PPP2R3C: variants seen among roughly 807,000 people sequenced by gnomAD.
The protein encoded by PPP2R3C is serine/threonine-protein phosphatase 2A regulatory subunit B'' subunit gamma.
PPP2R3C carries 47 observed loss-of-function variants against 63.7 expected under a neutral mutation model. The ratio of observed to expected loss-of-function variants is 0.74; its 90% CI spans 0.58 to 0.94. PPP2R3C has a LOEUF of 0.94. PPP2R3C is among the 40% of genes least tolerant of loss of function. PPP2R3C has a pLI of 0.00. For synonymous variants in PPP2R3C, 180 were observed against 177.4 expected (o/e 1.01, Z -0.12); for missense variants, 421 against 518.4 (o/e 0.81, Z 1.82).
intron 2 of PPP2R3C, among the ~76,000 whole-genome samples, chr14:35,113,795 A>G (rs1210381591): frequency 6.6e-6 from 1 of 152,258 alleles, no homozygotes; most frequent in South Asian, 2.1e-4. Context: ...GCTGCTCAAG[A>G]TAACCATAGC....
chr14:35,122,124 T>TG, upstream of PPP2R3C: 1 of 630,608 alleles, frequency 1.6e-6, no homozygotes, highest in Non-Finnish European at 2.8e-6. Context: ...AAACAATTAC[T>TG]GTCACTGCCG....
At position 35,109,913 on chromosome 14, in the gene PPP2R3C, C is replaced by A. The variant is rs760770452; in HGVS notation, c.310G>T (p.Asp104Tyr). The change falls in exon 4 of 13, where the codon GAC (aspartate) becomes TAC (tyrosine). Residue 104 changes from aspartate to tyrosine, a missense_variant. Asp to Tyr is a radical substitution (Grantham distance 160). This residue lies in a region of PPP2R3C where 143 missense variants were observed against 151.2 expected (regional missense o/e 0.95). Coordinates refer to ENST00000261475, the MANE Select transcript of PPP2R3C (RefSeq NM_017917.4). ...ATCATAGGTGGTGTCTGGTGTTTGT[C>A]CAGCAAAAACCATAAGTTCTTAAGA... ...EELQNLWFLL[D>Y]KHQTPPMIGE... 1.2e-6 allele frequency: 2 copies of A among 1,600,172 alleles called. No individual in the cohort carries two copies. The highest frequency in any genetic ancestry group is 1.7e-5 in the Admixed American group (1 of 58,362).
chr14:35,094,986 G>A, intron 10 of PPP2R3C, 62 bp downstream of exon 10: 3 of 1,506,296 alleles, frequency 2.0e-6, no homozygotes, highest in South Asian at 1.2e-5. Context: ...ATCAAGAAAA[G>A]GGTTTGTGGA....
chr14:35,089,914 C>T (rs2045742461), intron 11 of PPP2R3C, among the ~76,000 whole-genome samples: 1 of 152,094 alleles, frequency 6.6e-6, no homozygotes, highest in African/African-American at 2.4e-5. Context: ...ATCCGCCCAC[C>T]CTGGCCTCCC....
chr14:35,108,978 C>G lies in PPP2R3C; in HGVS notation c.405-742G>C, dbSNP rs1013677981. ...TTTTTTTATTTTGCAGAGATGGGCA[C>G]GTGAGCCACAGTGCCTGGCCTTGCA... On this transcript the variant is annotated intron_variant, in intron 4 of 12. Transcript: ENST00000261475. Among the ~76,000 whole-genome samples, 5 of 151,718 alleles carry G rather than the reference C, an allele frequency of 3.3e-5. No individual in the cohort carries two copies. In the East Asian group the frequency reaches 9.7e-4, roughly 29 times the overall value.
In PPP2R3C at chr14:35,096,758, A is replaced by G. The variant is rs762323469; in HGVS notation, c.713T>C (p.Ile238Thr). Reference protein sequence around the residue: ...FFLDPLRTGKIKIQDILACSF... With the variant: ...FFLDPLRTGKTKIQDILACSF... ...GCATGCTAAAATATCTTGAATTTTT[A>G]TCTTTCCTTTAAGAACATAAAGAAA... Residue 238 changes from isoleucine (I) to threonine (T), a missense_variant, in exon 8 of 13, where the codon ATA becomes ACA. Around this residue, in one of 3 missense-constraint regions of PPP2R3C, gnomAD observed 231 missense variants for 264.8 expected, o/e 0.87. Coordinates refer to ENST00000261475, the MANE Select transcript of PPP2R3C (RefSeq NM_017917.4). 7 of 1,584,954 alleles carry G rather than the reference A, an allele frequency of 4.4e-6. No homozygotes were observed. The South Asian group carries it at 7.0e-5, about 16-fold the overall frequency.
chr14:35,103,125 T>G (rs2046250613), intron 6 of PPP2R3C, among the ~76,000 whole-genome samples: 1 of 152,166 alleles, frequency 6.6e-6, no homozygotes, highest in Non-Finnish European at 1.5e-5. Flanking sequence ...GTAAATCATA[T>G]CCTGACAGAC....
At chr14:35,103,026 G>C (rs2046247954) in intron 6 of PPP2R3C, among the ~76,000 whole-genome samples, 1 of 152,148 alleles carries the variant, frequency 6.6e-6, no homozygotes, top group South Asian at 2.1e-4. Flanking sequence ...TCCCAAAGTT[G>C]CTGGGATTAC....
intron 5 of PPP2R3C, 161 bp downstream of exon 5, chr14:35,107,978 A>G (rs1263190640): frequency 8.8e-7 from 1 of 1,135,704 alleles, no homozygotes; most frequent in African/African-American, 1.6e-5. Flanking sequence ...TTGTTTTTTT[A>G]TGCTAACCCA....
At chr14:35,093,077 G>GTGGC (rs1425635442) in intron 10 of PPP2R3C, among the ~76,000 whole-genome samples, 2 of 152,132 alleles carry the variant, frequency 1.3e-5, no homozygotes, top group South Asian at 4.1e-4. Flanking sequence ...GCCGGGCATG[G>GTGGC]TGGCGGGCGC....
At chr14:35,090,022 T>G (rs912743828) in intron 11 of PPP2R3C, among the ~76,000 whole-genome samples, 1 of 152,074 alleles carries the variant, frequency 6.6e-6, no homozygotes, top group Admixed American at 6.6e-5. Flanking sequence ...AAATCAAGTT[T>G]TTAGTTTTCT....
At chr14:35,117,127 C>G (rs754982095) in intron 1 of PPP2R3C, 1 of 455,872 alleles carries the variant, frequency 2.2e-6, no homozygotes, top group Admixed American at 2.3e-5. Flanking sequence ...CAAGACAGCC[C>G]CAGCCCCTGA....
intron 1 of PPP2R3C, 102 bp from the exon 2 acceptor site, chr14:35,116,839 A>G: frequency 1.0e-6 from 1 of 953,034 alleles, no homozygotes. Context: ...AAATAGTTGC[A>G]GTGCCAAAAA....
At chr14:35,102,926 A>AT (rs1454158797) in intron 6 of PPP2R3C, among the ~76,000 whole-genome samples, 1 of 151,852 alleles carries the variant, frequency 6.6e-6, no homozygotes, top group Non-Finnish European at 1.5e-5. Flanking sequence ...TACCCAGCTA[A>AT]TTTTTGTATT....
At chr14:35,111,296 T>C (rs913143401) in intron 2 of PPP2R3C, among the ~76,000 whole-genome samples, 6 of 149,566 alleles carry the variant, frequency 4.0e-5, no homozygotes, top group Non-Finnish European at 8.9e-5. Flanking sequence ...TAACTGGAGA[T>C]TGACAATTTC....
At chr14:35,102,994 A>T (rs1166160283) in intron 6 of PPP2R3C, among the ~76,000 whole-genome samples, 14 of 152,124 alleles carry the variant, frequency 9.2e-5, no homozygotes, top group Non-Finnish European at 1.2e-4. Flanking sequence ...TCCCGAGCTC[A>T]AGCGATCCAC....
intron 10 of PPP2R3C, among the ~76,000 whole-genome samples, chr14:35,092,271 T>C (rs552673026): frequency 6.6e-6 from 1 of 151,922 alleles, no homozygotes; most frequent in South Asian, 2.1e-4. Flanking sequence ...GGTTTTCCTG[T>C]ATTACCCATG....
intron 6 of PPP2R3C, among the ~76,000 whole-genome samples, chr14:35,103,947 T>C (rs368549968): frequency 6.6e-6 from 1 of 152,194 alleles, no homozygotes. Context: ...GTGTTTTCTT[T>C]CATTGAGAGA....
rs1275670367 is a variant in PPP2R3C, at chr14:35,085,914, T to TA, written c.1174-137dup. ...TGAGGGCTGCCACTTGGGCTTATGT[T>TA]AATTTTTTGTTCTACTTTTTTTCTT... is the stretch of plus-strand genomic sequence containing the variant. On this transcript the variant is annotated intron_variant, in intron 12 of 12. Transcript: ENST00000261475. The TA allele has an allele frequency of 5.8e-5, 39 of 672,210 alleles. No homozygotes were observed. In the African/African-American group the frequency reaches 6.3e-4, roughly 11 times the overall value. 41.6% of individuals were successfully genotyped at this position (672,210 alleles called of 1,614,324 possible).
Sources: gnomAD v4.1 joint callset for allele counts (sites outside exome capture counted in the v4.1 genomes callset) on GRCh38, gnomAD v4.1.1 for gene constraint, gnomAD v4.1.1 regional missense constraint, MANE v1.5 for transcripts, NCBI Gene and HGNC (gene_info 2026-07-23, HGNC 2026-07-21) for gene names.